The following ZSCAN5A variants were observed in gnomAD, a reference collection of about 807,000 sequenced individuals.
ZSCAN5A encodes zinc finger and SCAN domain containing 5A, also known as zinc finger and SCAN domain-containing protein 5A.
Under a neutral mutation model 23.7 loss-of-function variants are expected in ZSCAN5A, and 12 were observed. The ratio of observed to expected loss-of-function variants is 0.51; its 90% CI spans 0.32 to 0.82. ZSCAN5A has a LOEUF of 0.82. Ranked by LOEUF, ZSCAN5A falls within the 40% of genes least tolerant of loss-of-function variation. The pLI is 0.03. For synonymous variants in ZSCAN5A, 257 were observed against 239.9 expected (o/e 1.07, Z -0.66); for missense variants, 597 against 617.9 (o/e 0.97, Z 0.36).
At chr19:56,296,472 T>G (rs1189777380) in intron 2 of ZSCAN5A, 1 of 152,252 alleles carries the variant, frequency 6.6e-6, no homozygotes, top group African/African-American at 2.4e-5. Flanking sequence ...CCTACACTCT[T>G]TATCCGTATC....
intron 1 of ZSCAN5A, chr19:56,367,199 A>T (rs2041774305): frequency 6.6e-6 from 1 of 152,094 alleles, no homozygotes; most frequent in African/African-American, 2.4e-5. Context: ...ACCTATACTT[A>T]AAAAATTAGC....
Position 56,351,735 on chromosome 19 carries a change from G to T in ZSCAN5A, c.-358+11500C>A, listed in dbSNP as rs1346110795. Among the ~76,000 whole-genome samples, 1 of 152,172 alleles carries T rather than the reference G, an allele frequency of 6.6e-6. No homozygotes were observed. The highest frequency in any genetic ancestry group is 1.9e-4 in the East Asian group (1 of 5,194). Reference sequence around the variant, plus strand: ...AGCTGTATCAAAATGAACTTGGGCTGCTCTGTCCCAATGTCTCCATCCTTT... The same window carrying T: ...AGCTGTATCAAAATGAACTTGGGCTTCTCTGTCCCAATGTCTCCATCCTTT... On this transcript the variant is annotated intron_variant, in intron 2 of 6. Transcript: ENST00000587340. This position sits in a 1 kb window ranked among gnomAD's most constrained non-coding sequence, Gnocchi z 4.8.
chr19:56,234,711 C>G, intron 2 of ZSCAN5A, among the ~76,000 whole-genome samples: 1 of 109,774 alleles, frequency 9.1e-6, no homozygotes, highest in East Asian at 3.5e-4. Flanking sequence ...TGCATGCAGC[C>G]CCTGTCACGT....
At chr19:56,258,752 C>A (rs1043224778) in intron 2 of ZSCAN5A, among the ~76,000 whole-genome samples, 4 of 152,178 alleles carry the variant, frequency 2.6e-5, no homozygotes, top group Non-Finnish European at 4.4e-5. Context: ...GGATTTCCAT[C>A]CCCTTGCATC....
At chr19:56,239,843 C>T (rs554317950) in intron 2 of ZSCAN5A, among the ~76,000 whole-genome samples, 2 of 152,096 alleles carry the variant, frequency 1.3e-5, no homozygotes, top group South Asian at 4.2e-4. Flanking sequence ...GTCTGTGTGG[C>T]GCGAGGGGAC....
intron 2 of ZSCAN5A, among the ~76,000 whole-genome samples, chr19:56,244,723 G>A (rs1294057636): frequency 1.3e-5 from 2 of 150,380 alleles, no homozygotes; most frequent in East Asian, 1.9e-4. Flanking sequence ...GTAGGAGATG[G>A]ACAGGCAGAG....
chr19:56,348,292 G>C (rs753577992), intron 2 of ZSCAN5A: 2 of 152,234 alleles, frequency 1.3e-5, no homozygotes, highest in Admixed American at 6.5e-5. Context: ...ATGACCGTAA[G>C]GGGCATCTCA....
chr19:56,358,874 A>G (rs1289608738), intron 2 of ZSCAN5A, among the ~76,000 whole-genome samples: 2 of 152,216 alleles, frequency 1.3e-5, no homozygotes, highest in Admixed American at 6.5e-5. Context: ...CTTTGAAACT[A>G]ATGAGAACGA....
chr19:56,254,331 T>C (rs563547719), intron 2 of ZSCAN5A, among the ~76,000 whole-genome samples: 1 of 152,328 alleles, frequency 6.6e-6, no homozygotes, highest in African/African-American at 2.4e-5. Flanking sequence ...ACCAATGTTT[T>C]CATCATCTTA....
chr19:56,270,833 C>A (rs1568673849), intron 2 of ZSCAN5A, among the ~76,000 whole-genome samples: 1 of 152,098 alleles, frequency 6.6e-6, no homozygotes, highest in Non-Finnish European at 1.5e-5. Flanking sequence ...AAATATCCCA[C>A]AAAGCGGAAG....
chr19:56,360,296 C>A (rs1488035886), intron 2 of ZSCAN5A, among the ~76,000 whole-genome samples: 1 of 151,898 alleles, frequency 6.6e-6, no homozygotes, highest in Non-Finnish European at 1.5e-5. Flanking sequence ...AAGCAGCGAG[C>A]CAAATCATGA....
chr19:56,244,165 G>C (rs745586091), intron 2 of ZSCAN5A: 55 of 1,610,466 alleles, frequency 3.4e-5, no homozygotes, highest in Middle Eastern at 1.6e-4. Context: ...GGGACCCTGA[G>C]ACTTGTCACG....
chr19:56,344,862 C>T (rs1162049910), intron 2 of ZSCAN5A, among the ~76,000 whole-genome samples: 9 of 135,038 alleles, frequency 6.7e-5, no homozygotes, highest in Non-Finnish European at 1.2e-4. Flanking sequence ...GAGATTGCGC[C>T]ACTGCAGTCC....
At chr19:56,296,758 G>C (rs1056059182) in intron 2 of ZSCAN5A, among the ~76,000 whole-genome samples, 1 of 152,000 alleles carries the variant, frequency 6.6e-6, no homozygotes, top group Non-Finnish European at 1.5e-5. Context: ...TTTTGGCTGG[G>C]CATGGTGGCT....
At chr19:56,322,892 C>CTTTTTTTTTTTTTT (rs397859568) in intron 2 of ZSCAN5A, among the ~76,000 whole-genome samples, 2 of 126,820 alleles carry the variant, frequency 1.6e-5, no homozygotes, top group Admixed American at 7.8e-5. Flanking sequence ...TTATTGGTTT[C>CTTTTTTTTTTTTTT]TTTTTTTTTT....
intron 2 of ZSCAN5A, chr19:56,321,393 A>G: frequency 1.5e-6 from 1 of 648,274 alleles, no homozygotes; most frequent in Admixed American, 2.4e-5. Context: ...AGATAGCTGC[A>G]GCATCCTTAT....
intron 2 of ZSCAN5A, among the ~76,000 whole-genome samples, chr19:56,324,383 A>G (rs1175082168): frequency 1.3e-5 from 2 of 152,180 alleles, no homozygotes; most frequent in African/African-American, 4.8e-5. Context: ...GGTATATGAA[A>G]CTCTGTTCAA....
intron 2 of ZSCAN5A, among the ~76,000 whole-genome samples, chr19:56,256,988 C>T (rs1169705071): frequency 1.3e-5 from 2 of 152,076 alleles, no homozygotes; most frequent in African/African-American, 4.8e-5. Context: ...AAATTAAATG[C>T]TCATTTAACT....
intron 2 of ZSCAN5A, among the ~76,000 whole-genome samples, chr19:56,303,432 C>T (rs2040478308): frequency 6.7e-6 from 1 of 148,336 alleles, no homozygotes; most frequent in African/African-American, 2.5e-5. Context: ...GAGCCAAGAT[C>T]ACACCAGCCT....
Sources: allele counts gnomAD v4.1 joint callset (sites outside exome capture counted in the v4.1 genomes callset), GRCh38; gene constraint gnomAD v4.1.1; non-coding constraint Gnocchi (gnomAD v3.1); transcripts MANE v1.5; gene names NCBI Gene and HGNC (gene_info 2026-07-23, HGNC 2026-07-21).